Variants in TSEN2 observed in about 807,000 individuals in gnomAD.
TSEN2 encodes the protein tRNA-splicing endonuclease subunit Sen2.
A neutral mutation model predicts 59.2 loss-of-function variants in TSEN2; 54 were observed. The ratio of observed to expected loss-of-function variants is 0.91; its 90% CI spans 0.73 to 1.14. The LOEUF is 1.14. Ranked by LOEUF, TSEN2 falls within the 50% of genes most tolerant of loss-of-function variation. The pLI, the probability that TSEN2 is intolerant of heterozygous loss-of-function variation, is 0.00. For missense variants in TSEN2, 636 were observed against 576.2 expected, an observed-to-expected ratio of 1.10 and a Z score of -1.06; for synonymous variants, 195 against 198.2, an observed-to-expected ratio of 0.98 and a Z score of 0.14.
intron 9 of TSEN2, 36 bp from the exon 10 acceptor site, chr3:12,529,726 T>C (rs1261658745): frequency 6.4e-7 from 1 of 1,573,914 alleles, no homozygotes; most frequent in Admixed American, 1.7e-5. Context: ...ATTTATTTCA[T>C]GATTACTTTT....
Position 12,505,213 on chromosome 3 carries a change from G to A in TSEN2, c.891G>A (p.Leu297=), listed in dbSNP as rs749773889. 1.2e-6 allele frequency: 2 copies of A among 1,610,728 alleles called. No homozygotes were observed. The highest frequency in any genetic ancestry group is 2.7e-5 in the African/African-American group (2 of 74,806). Residue 297 remains leucine (L), a synonymous_variant, in exon 6 of 12, where the codon TTG becomes TTA. Transcript: ENST00000284995. ...ATCCATATAGGATCTTTGAGTATTT[G>A]CAACTCAGCCTAGAAGAGGTATGTT... ...RRNPYRIFEY[L]QLSLEEAFFL... is the part of the protein sequence containing the mutation.
At chr3:12,539,106 T>C in intron 10 of TSEN2, 7 of 428,436 alleles carry the variant, frequency 1.6e-5, no homozygotes, top group South Asian at 1.2e-4. Flanking sequence ...TTACTGTTGT[T>C]CACTATCATG....
chr3:12,534,231 C>T (rs1458109758), downstream of TSEN2, among the ~76,000 whole-genome samples: 2 of 152,186 alleles, frequency 1.3e-5, no homozygotes, highest in Non-Finnish European at 2.9e-5. Flanking sequence ...CCCTTACTTA[C>T]TGGTTATGCC....
At chr3:12,487,544 T>A (rs1300078127) in intron 1 of TSEN2, among the ~76,000 whole-genome samples, 1 of 150,606 alleles carries the variant, frequency 6.6e-6, no homozygotes, top group Non-Finnish European at 1.5e-5. Context: ...AGTCAGCTGC[T>A]GAGCAGAGGT....
intron 3 of TSEN2, among the ~76,000 whole-genome samples, chr3:12,494,710 T>A (rs1041424258): frequency 6.6e-6 from 1 of 152,000 alleles, no homozygotes; most frequent in East Asian, 1.9e-4. Context: ...CAATTTTTTT[T>A]AAATGGAAGG....
At position 12,505,201 on chromosome 3, in the gene TSEN2, C is replaced by T. The variant is rs960620663; in HGVS notation, c.879C>T (p.Ile293=). Residue 293 remains isoleucine (I), a synonymous_variant, in exon 6 of 12, where the codon ATC becomes ATT. Transcript: ENST00000284995. Reference sequence around the variant, plus strand: ...TATGCAGAAGAAATCCATATAGGATCTTTGAGTATTTGCAACTCAGCCTAG... The same window carrying T: ...TATGCAGAAGAAATCCATATAGGATTTTTGAGTATTTGCAACTCAGCCTAG... ...RLICRRNPYR[I]FEYLQLSLEE... 6.8e-6 allele frequency: 11 copies of T among 1,612,162 alleles called. No homozygotes were observed. The highest frequency in any genetic ancestry group is 4.0e-5 in the African/African-American group (3 of 74,858).
chr3:12,519,220 T>A (rs1437439424), intron 8 of TSEN2, 23 bp downstream of exon 8: 2 of 1,613,960 alleles, frequency 1.2e-6, no homozygotes, highest in Non-Finnish European at 1.7e-6. Flanking sequence ...TGGCGTGGTG[T>A]GTGTGAGAAT....
rs139032110 is a variant in TSEN2 at position 12,532,692 on chromosome 3, C to T, written c.1369C>T (p.Arg457Ter). Residue 457 changes from arginine to a stop codon, truncating the protein, a stop_gained, in exon 12 of 12, where the codon CGA (arginine) becomes TGA (stop). Transcript: ENST00000284995. LOFTEE classifies it high-confidence loss of function. ...EVILSRWVSS[R>*]ERSDQDDL ...GATTCTGAGTCGATGGGTTTCTTCA[C>T]GAGAGAGGAGTGACCAAGACGATCT... 62 of 1,613,828 alleles carry T rather than the reference C, an allele frequency of 3.8e-5. No individual in the cohort carries two copies. Among genetic ancestry groups the T allele is most frequent in the Middle Eastern group, 3.3e-4 (2 of 6,084 alleles).
chr3:12,510,802 CT>C (rs2055368313), intron 6 of TSEN2, among the ~76,000 whole-genome samples: 1 of 152,162 alleles, frequency 6.6e-6, no homozygotes, highest in Non-Finnish European at 1.5e-5. Flanking sequence ...AGGTCAGTGA[CT>C]TTCCTTCTAT....
chr3:12,499,179 CTCTT>C (rs2054046417), intron 4 of TSEN2, among the ~76,000 whole-genome samples: 1 of 152,192 alleles, frequency 6.6e-6, no homozygotes, highest in South Asian at 2.1e-4. Flanking sequence ...TTCTGCGTAA[CTCTT>C]TCTGAAGGTA....
chr3:12,532,620 A>G (rs756688011), intron 11 of TSEN2, 42 bp from the exon 12 acceptor site: 2 of 1,606,880 alleles, frequency 1.2e-6, no homozygotes, highest in Non-Finnish European at 1.7e-6. Context: ...ATGGTCTTAC[A>G]TTTCTGTTTT....
chr3:12,530,338 T>C, intron 10 of TSEN2: 1 of 987,132 alleles, frequency 1.0e-6, no homozygotes, highest in Non-Finnish European at 1.2e-6. Context: ...ATCCTGAGGA[T>C]GAGAAACCAA....
intron 4 of TSEN2, among the ~76,000 whole-genome samples, chr3:12,499,738 G>A (rs1340482046): frequency 1.3e-5 from 2 of 152,144 alleles, no homozygotes; most frequent in Non-Finnish European, 2.9e-5. Flanking sequence ...TGCCAGTGAT[G>A]GGCCTGTGTG....
At chr3:12,518,702 C>T in intron 7 of TSEN2, among the ~76,000 whole-genome samples, 1 of 123,530 alleles carries the variant, frequency 8.1e-6, no homozygotes, top group Non-Finnish European at 1.7e-5. Flanking sequence ...TTTATATTCT[C>T]TCTTTTTTTT....
intron 7 of TSEN2, 141 bp from the exon 8 acceptor site, chr3:12,518,918 A>G: frequency 1.2e-6 from 1 of 826,198 alleles, no homozygotes; most frequent in Non-Finnish European, 1.9e-6. Flanking sequence ...CAAAAATAAA[A>G]TAAATAAATT....
At chr3:12,514,201 C>T (rs939208099) in intron 6 of TSEN2, among the ~76,000 whole-genome samples, 2 of 152,142 alleles carry the variant, frequency 1.3e-5, no homozygotes, top group African/African-American at 4.8e-5. Context: ...ACCTTTGAGT[C>T]TGGAGCAGAA....
chr3:12,480,282 C>T (rs1330225161), upstream of TSEN2, among the ~76,000 whole-genome samples: 1 of 152,124 alleles, frequency 6.6e-6, no homozygotes, highest in African/African-American at 2.4e-5. Context: ...GCTCCGGAAC[C>T]AAGGCCCATT....
At chr3:12,488,836 G>A (rs150873234) in intron 1 of TSEN2, among the ~76,000 whole-genome samples, 43 of 152,262 alleles carry the variant, frequency 2.8e-4, no homozygotes, top group African/African-American at 1.0e-3. Flanking sequence ...CTAGAGAGAG[G>A]GCATGGGCTT....
chr3:12,535,843 A>G (rs546809943), downstream of TSEN2, among the ~76,000 whole-genome samples: 2 of 152,284 alleles, frequency 1.3e-5, no homozygotes, highest in East Asian at 1.9e-4. Context: ...GTAAAGTAGA[A>G]TCAGAAAACT....
Sources: allele counts gnomAD v4.1 joint callset (sites outside exome capture counted in the v4.1 genomes callset), GRCh38; gene constraint gnomAD v4.1.1; transcripts MANE v1.5; gene names NCBI Gene and HGNC (gene_info 2026-07-23, HGNC 2026-07-21).